Variants in MSRA observed in about 807,000 individuals in gnomAD.
The protein encoded by MSRA is mitochondrial peptide methionine sulfoxide reductase.
MSRA carries 54 observed loss-of-function variants against 31.3 expected under a neutral mutation model. The observed-to-expected ratio is 1.73, with a 90% confidence interval of 1.39 to 2.17. The LOEUF is 2.17. MSRA is among the 30% of genes most tolerant of loss of function. The probability of loss-of-function intolerance (pLI) is 0.00; values close to 1 mark genes in which losing one functional copy is unlikely to be tolerated. For missense variants in MSRA, 507 were observed against 300.9 expected (o/e 1.69, Z -5.07); for synonymous variants, 169 against 116.5 (o/e 1.45, Z -2.90).
At position 10,298,541 on chromosome 8, in the gene MSRA, C is replaced by T. The variant is rs374868932; in HGVS notation, c.332-2993C>T. Among the ~76,000 whole-genome samples, 4 of 152,034 alleles carry T rather than the reference C, an allele frequency of 2.6e-5. No homozygotes were observed. The East Asian group carries it at 7.7e-4, about 29-fold the overall frequency. ...TGCGAGATGAAAAGAGTTCTGGAGC[C>T]GGATGATTAGTGATGATTGCAAAAC... On this transcript the variant is annotated intron_variant, in intron 3 of 5. Transcript: ENST00000317173.
intron 1 of MSRA, among the ~76,000 whole-genome samples, chr8:10,123,117 C>A (rs529217582): frequency 6.6e-6 from 1 of 152,208 alleles, no homozygotes; most frequent in Non-Finnish European, 1.5e-5. Flanking sequence ...CACTGCTTTC[C>A]GCAATGGTCG....
At chr8:10,307,975 G>A (rs1563333658) in intron 4 of MSRA, among the ~76,000 whole-genome samples, 2 of 152,286 alleles carry the variant, frequency 1.3e-5, no homozygotes, top group East Asian at 3.9e-4. Flanking sequence ...TGGGTTTGTG[G>A]CCTTAGAGGA....
chr8:10,305,609 TC>T (rs1039373081), intron 4 of MSRA, among the ~76,000 whole-genome samples: 41 of 152,300 alleles, frequency 2.7e-4, no homozygotes, highest in Admixed American at 1.5e-3. Context: ...AGATGGGGTT[TC>T]ACCATGTTGG....
At chr8:10,107,872 T>G (rs1331084365) in intron 1 of MSRA, among the ~76,000 whole-genome samples, 1 of 152,222 alleles carries the variant, frequency 6.6e-6, no homozygotes, top group Non-Finnish European at 1.5e-5. Flanking sequence ...TAAGTGATTC[T>G]ACTTTTTAAA....
intron 2 of MSRA, among the ~76,000 whole-genome samples, chr8:10,216,731 G>A (rs1810027933): frequency 2.0e-5 from 3 of 152,192 alleles, no homozygotes; most frequent in African/African-American, 4.8e-5. Context: ...GTTCATCCAT[G>A]TTGTATTGTG....
At chr8:10,185,798 G>A (rs912092698) in intron 1 of MSRA, among the ~76,000 whole-genome samples, 14 of 152,138 alleles carry the variant, frequency 9.2e-5, no homozygotes, top group African/African-American at 3.4e-4. Flanking sequence ...CACTCATCTT[G>A]CAAGGCTCAA....
intron 5 of MSRA, among the ~76,000 whole-genome samples, chr8:10,322,169 C>G (rs1407590938): frequency 6.6e-6 from 1 of 152,052 alleles, no homozygotes; most frequent in African/African-American, 2.4e-5. Flanking sequence ...ACTTAGAAAG[C>G]CATATGTTCT....
intron 2 of MSRA, among the ~76,000 whole-genome samples, chr8:10,211,823 G>A (rs1045204731): frequency 5.3e-5 from 8 of 152,256 alleles, no homozygotes; most frequent in South Asian, 2.1e-4. Flanking sequence ...CTCTGTCCAC[G>A]TGGAGGGCCG....
chr8:10,251,343 A>T (rs1797907063), intron 3 of MSRA, among the ~76,000 whole-genome samples: 4 of 152,130 alleles, frequency 2.6e-5, no homozygotes, highest in Admixed American at 2.6e-4. Context: ...TTATCAAGCA[A>T]TGTAAAACTC....
At chr8:10,257,845 C>G (rs768724273) in intron 3 of MSRA, among the ~76,000 whole-genome samples, 11 of 152,210 alleles carry the variant, frequency 7.2e-5, no homozygotes, top group Non-Finnish European at 1.5e-4. Context: ...TCTGACAGGA[C>G]ATGCTTGATG....
At chr8:10,070,685 C>T (rs923595377) in intron 1 of MSRA, among the ~76,000 whole-genome samples, 3 of 152,182 alleles carry the variant, frequency 2.0e-5, no homozygotes, top group East Asian at 1.9e-4. Context: ...CAACCTCTGG[C>T]GACCACTCCT....
At position 10,054,667 on chromosome 8, in the gene MSRA, T is replaced by G; in HGVS notation, c.142+9T>G. ...ACAGACCCCTGTAGCGGGTAAGCAC[T>G]GGCCACACGGAAGGCGCGGGCGGCG... On this transcript the variant is annotated intron_variant, in intron 1 of 5. Transcript: ENST00000317173. The G allele has an allele frequency of 6.6e-7, 1 of 1,511,600 alleles. No individual in the cohort carries two copies. The highest frequency in any genetic ancestry group is 1.4e-5 in the African/African-American group (1 of 69,670). The allele number at this position is 1,511,600 out of a possible 1,614,324, so 93.6% of individuals were successfully genotyped here. A position where few individuals can be genotyped will look rare whatever the true frequency, so the allele number is the denominator to read the frequency against.
chr8:10,282,666 G>A (rs1035863483), intron 3 of MSRA, among the ~76,000 whole-genome samples: 6 of 152,160 alleles, frequency 3.9e-5, no homozygotes, highest in African/African-American at 1.4e-4. Context: ...GCATAAAGCA[G>A]GAAGAGTGGG....
At chr8:10,414,769 T>C (rs1407364045) in intron 5 of MSRA, among the ~76,000 whole-genome samples, 1 of 152,228 alleles carries the variant, frequency 6.6e-6, no homozygotes, top group Non-Finnish European at 1.5e-5. Flanking sequence ...TCCTTGGCTT[T>C]CCCTGAAAAG....
In MSRA at chr8:10,309,402, C is replaced by A. The variant is rs571333461; in HGVS notation, c.436+7764C>A. 4.8e-3 allele frequency among the ~76,000 whole-genome samples: 724 copies of A among 152,348 alleles called. 6 individuals are homozygous for A. Among genetic ancestry groups the A allele is most frequent in the African/African-American group, 0.017 (693 of 41,594 alleles). ...CGTGCTCATGCCGCCTGTGGAAGGG[C>A]CGTTTCCATCACCAGCTGCTGTTTG... On this transcript the variant is annotated intron_variant, in intron 4 of 5. Transcript: ENST00000317173.
At chr8:10,292,899 A>C (rs1563317770) in intron 3 of MSRA, among the ~76,000 whole-genome samples, 1 of 152,046 alleles carries the variant, frequency 6.6e-6, no homozygotes, top group African/African-American at 2.4e-5. Context: ...GGGGGAAACC[A>C]GGTTGCTGTC....
intron 1 of MSRA, among the ~76,000 whole-genome samples, chr8:10,063,575 A>T (rs1024574398): frequency 1.3e-5 from 2 of 151,890 alleles, no homozygotes; most frequent in African/African-American, 2.4e-5. Context: ...GTGATGGGGG[A>T]TTAGGAGGTG....
In MSRA at chr8:10,353,882, G is replaced by T. The variant is rs75880010; in HGVS notation, c.543+33893G>T. 7.0e-3 allele frequency: 1,565 copies of T among 224,476 alleles called. 11 individuals carry two copies. The highest frequency in any genetic ancestry group is 0.013 in the South Asian group (224 of 16,924). The allele number at this position is 224,476 out of a possible 1,614,324, so 13.9% of individuals were successfully genotyped here. ...AACTTTACATTTCAGAAAATATGAA[G>T]ACAAAAAGATGAAGGAAAGGGCTTT... On this transcript the variant is annotated intron_variant, in intron 5 of 5. Transcript: ENST00000317173.
chr8:10,089,809 C>G (rs1291593002), intron 1 of MSRA, among the ~76,000 whole-genome samples: 3 of 152,154 alleles, frequency 2.0e-5, no homozygotes, highest in Admixed American at 2.0e-4. Context: ...TTTATAACAA[C>G]CCAGTCTCAG....
Sources: gnomAD v4.1 joint callset for allele counts (sites outside exome capture counted in the v4.1 genomes callset) on GRCh38, gnomAD v4.1.1 for gene constraint, MANE v1.5 for transcripts, NCBI Gene and HGNC (gene_info 2026-07-23, HGNC 2026-07-21) for gene names.